CDH4: variants seen among roughly 807,000 people sequenced by gnomAD.
CDH4 encodes cadherin 4, also known as cadherin-4.
A neutral mutation model predicts 86.0 loss-of-function variants in CDH4; 33 were observed. That is an observed-to-expected ratio of 0.38 (90% CI 0.29 to 0.51). The LOEUF is 0.51. CDH4 is among the 20% of genes least tolerant of loss of function. CDH4 has a pLI of 0.86. For synonymous variants in CDH4, 555 were observed against 549.4 expected (o/e 1.01, Z -0.14); for missense variants, 1,114 against 1,307.4 (o/e 0.85, Z 2.28).
chr20:61,725,797 G>A (rs2088103920), intron 2 of CDH4, among the ~76,000 whole-genome samples: 1 of 152,090 alleles, frequency 6.6e-6, no homozygotes, highest in African/African-American at 2.4e-5. Context: ...GGGAGGGGAG[G>A]TGGCCTCTCA....
At chr20:61,656,205 A>G (rs2087185438) in intron 2 of CDH4, among the ~76,000 whole-genome samples, 1 of 148,632 alleles carries the variant, frequency 6.7e-6, no homozygotes, top group Non-Finnish European at 1.5e-5. Context: ...TTGCTTGGGA[A>G]TGCATGCTGA....
chr20:61,856,474 C>A (rs1269087820), intron 6 of CDH4, among the ~76,000 whole-genome samples: 1 of 150,830 alleles, frequency 6.6e-6, no homozygotes, highest in East Asian at 2.0e-4. Context: ...GCACCCCACA[C>A]TCTTCCCCAG....
At chr20:61,295,392 C>T (rs531570732) in intron 2 of CDH4, among the ~76,000 whole-genome samples, 118 of 152,306 alleles carry the variant, frequency 7.7e-4, no homozygotes, top group Non-Finnish European at 1.4e-3. Flanking sequence ...GCTCACACCC[C>T]GCTCTGTTGT....
chr20:61,510,079 T>C lies in CDH4; in HGVS notation c.170-233484T>C, dbSNP rs2085768713. 6.6e-6 allele frequency among the ~76,000 whole-genome samples: 1 copy of C among 152,238 alleles called. No homozygotes were observed. The highest frequency in any genetic ancestry group is 1.5e-5 in the Non-Finnish European group (1 of 68,050). Reference sequence around the variant, plus strand: ...TATATTCAGCATTTGAAATGTTCTATTGAAAGTCTATGTAACTCTGTGAGT... The same window carrying C: ...TATATTCAGCATTTGAAATGTTCTACTGAAAGTCTATGTAACTCTGTGAGT... On this transcript the variant is annotated intron_variant, in intron 2 of 15. Coordinates refer to ENST00000614565, the MANE Select transcript of CDH4 (RefSeq NM_001794.5). This position sits in a 1 kb window ranked among gnomAD's most constrained non-coding sequence, Gnocchi z 4.2.
intron 2 of CDH4, among the ~76,000 whole-genome samples, chr20:61,438,933 A>C (rs948699953): frequency 6.6e-6 from 1 of 151,866 alleles, no homozygotes; most frequent in African/African-American, 2.4e-5. Context: ...AAAACCAAAA[A>C]CCTTAACTTA....
intron 2 of CDH4, among the ~76,000 whole-genome samples, chr20:61,694,789 G>A (rs1004760617): frequency 3.0e-4 from 45 of 152,198 alleles, no homozygotes; most frequent in African/African-American, 1.0e-3. Context: ...GAGATTAGCA[G>A]GCGGTTTTCT....
Position 61,872,726 on chromosome 20 carries a change from G to A in CDH4, c.878-1002G>A, listed in dbSNP as rs556702919. 1.7e-4 allele frequency among the ~76,000 whole-genome samples: 26 copies of A among 152,374 alleles called. 1 individual carries two copies. The highest frequency in any genetic ancestry group is 3.4e-3 in the Middle Eastern group (1 of 294). On this transcript the variant is annotated intron_variant, in intron 6 of 15. Transcript: ENST00000614565. ...CAGAGCCAGGGCAGGAACACCGGAAGGTGGCGGGCAGAGTCCAGCCCCAGG... is the reference window on the plus strand; with the variant it reads ...CAGAGCCAGGGCAGGAACACCGGAAAGTGGCGGGCAGAGTCCAGCCCCAGG...
intron 2 of CDH4, among the ~76,000 whole-genome samples, chr20:61,438,812 A>G (rs563902245): frequency 2.6e-5 from 4 of 152,322 alleles, no homozygotes; most frequent in African/African-American, 9.6e-5. Flanking sequence ...AACCTTGGCA[A>G]AAGTAAATCC....
chr20:61,692,275 T>A (rs567749166), intron 2 of CDH4, among the ~76,000 whole-genome samples: 18 of 149,776 alleles, frequency 1.2e-4, no homozygotes, highest in Non-Finnish European at 2.5e-4. Context: ...ATGTGTGTCT[T>A]TGTGTGTGTG....
chr20:61,783,141 T>C (rs1394498085), intron 4 of CDH4, among the ~76,000 whole-genome samples: 1 of 152,228 alleles, frequency 6.6e-6, no homozygotes, highest in Non-Finnish European at 1.5e-5. Context: ...CACCAGATTG[T>C]CCCGTTTATT....
At chr20:61,570,435 G>A (rs1475201277) in intron 2 of CDH4, 3 of 520,726 alleles carry the variant, frequency 5.8e-6, no homozygotes, top group Non-Finnish European at 3.4e-6. Flanking sequence ...AGCAGCCCTG[G>A]TGCTGCCTTG....
chr20:61,526,535 A>G (rs1034821073), intron 2 of CDH4, among the ~76,000 whole-genome samples: 1 of 151,298 alleles, frequency 6.6e-6, no homozygotes, highest in African/African-American at 2.4e-5. Context: ...TTTAGGGTAC[A>G]TGTGCACAAT....
intron 4 of CDH4, among the ~76,000 whole-genome samples, chr20:61,808,609 A>C (rs955201629): frequency 6.6e-6 from 1 of 152,222 alleles, no homozygotes; most frequent in Non-Finnish European, 1.5e-5. Context: ...ATGTGATTTG[A>C]AACAGAAGAG....
At position 61,807,593 on chromosome 20, in the gene CDH4, C is replaced by A. The variant is rs1030524073; in HGVS notation, c.576+34411C>A. Among the ~76,000 whole-genome samples the A allele has an allele frequency of 1.3e-5, 2 of 152,150 alleles. No homozygotes were observed. The highest frequency in any genetic ancestry group is 4.8e-5 in the African/African-American group (2 of 41,434). ...TGTGACCAAGGGCAGGTGTTCCGTG[C>A]AGGGCTGGTTGGTGTGAGGCCAGCC... On this transcript the variant is annotated intron_variant, in intron 4 of 15. Transcript: ENST00000614565. The surrounding 1 kb of genome is among the most constrained non-coding windows in gnomAD (Gnocchi z 4.5).
At chr20:61,416,501 C>T (rs896525657) in intron 2 of CDH4, among the ~76,000 whole-genome samples, 5 of 152,196 alleles carry the variant, frequency 3.3e-5, no homozygotes, top group Admixed American at 6.5e-5. Flanking sequence ...TAGTGACCAT[C>T]CTAATGGGTG....
chr20:61,923,189 T>C (rs2055002717), intron 9 of CDH4, among the ~76,000 whole-genome samples: 1 of 152,224 alleles, frequency 6.6e-6, no homozygotes, highest in Non-Finnish European at 1.5e-5. Flanking sequence ...GCCCAGCTTC[T>C]GCCTCAGCCC....
intron 5 of CDH4, among the ~76,000 whole-genome samples, chr20:61,846,418 C>A (rs940754943): frequency 3.3e-5 from 5 of 152,178 alleles, no homozygotes; most frequent in African/African-American, 1.2e-4. Flanking sequence ...GCCGTCAACA[C>A]GCGTCTACAA....
intron 2 of CDH4, among the ~76,000 whole-genome samples, chr20:61,418,495 G>A (rs1455696593): frequency 1.3e-5 from 2 of 152,300 alleles, no homozygotes; most frequent in South Asian, 2.1e-4. Context: ...ACAGGCTTGA[G>A]CCACCGCGCC....
chr20:61,269,600 G>T lies in CDH4; in HGVS notation c.169+14663G>T, dbSNP rs1453465769. Among the ~76,000 whole-genome samples the T allele has an allele frequency of 6.6e-6, 1 of 152,044 alleles. No individual in the cohort carries two copies. The highest frequency in any genetic ancestry group is 2.4e-5 in the African/African-American group (1 of 41,492). Reference sequence around the variant, plus strand: ...GCTCTTATTTATTAATTATTTATTAGTTATAATTATTTATTTAATTAATTA... The same window carrying T: ...GCTCTTATTTATTAATTATTTATTATTTATAATTATTTATTTAATTAATTA... On this transcript the variant is annotated intron_variant, in intron 2 of 15. Coordinates refer to ENST00000614565, the MANE Select transcript of CDH4 (RefSeq NM_001794.5). This position sits in a 1 kb window ranked among gnomAD's most constrained non-coding sequence, Gnocchi z 5.3.
Sources: allele counts gnomAD v4.1 joint callset (sites outside exome capture counted in the v4.1 genomes callset), GRCh38; gene constraint gnomAD v4.1.1; non-coding constraint Gnocchi (gnomAD v3.1); transcripts MANE v1.5; gene names NCBI Gene and HGNC (gene_info 2026-07-23, HGNC 2026-07-21).